WDFY4: variants seen among roughly 807,000 people sequenced by gnomAD.
WDFY4 encodes WD repeat- and FYVE domain-containing protein 4.
Under a neutral mutation model 351.9 loss-of-function variants are expected in WDFY4, and 169 were observed. The ratio of observed to expected loss-of-function variants is 0.48; its 90% CI spans 0.42 to 0.55. The LOEUF (loss-of-function observed/expected upper bound fraction) is 0.55, where lower values mean the gene tolerates loss of function less well. Among genes scored for constraint, WDFY4 ranks in the 20% least tolerant of loss-of-function variants. WDFY4 has a pLI of 0.00. For missense variants in WDFY4, 3,803 were observed against 3,935.6 expected, an observed-to-expected ratio of 0.97 and a Z score of 0.90; for synonymous variants, 1,622 against 1,574.6, an observed-to-expected ratio of 1.03 and a Z score of -0.71.
At chr10:48,937,441 T>C (rs1459137392) in intron 47 of WDFY4, among the ~76,000 whole-genome samples, 1 of 152,210 alleles carries the variant, frequency 6.6e-6, no homozygotes, top group Non-Finnish European at 1.5e-5. Flanking sequence ...AGTCAGCGTG[T>C]CGGTGTTTAT....
chr10:48,981,029 G>A (rs2131891721), intron 60 of WDFY4, among the ~76,000 whole-genome samples: 1 of 152,270 alleles, frequency 6.6e-6, no homozygotes, highest in South Asian at 2.1e-4. Context: ...AGGTATTGTG[G>A]GGCATCTTAT....
intron 20 of WDFY4, 45 bp downstream of exon 20, chr10:48,786,915 T>C (rs1168734356): frequency 6.7e-7 from 1 of 1,496,912 alleles, no homozygotes; most frequent in Non-Finnish European, 9.1e-7. Flanking sequence ...ATATTAGTTT[T>C]TAAATGGACA....
Position 48,946,066 on chromosome 10 carries a change from T to A in WDFY4, c.7776T>A (p.Ile2592=), listed in dbSNP as rs777247720. The change falls in exon 50 of 62, where the codon ATT becomes ATA. Residue 2592 remains isoleucine, a synonymous_variant. Coordinates refer to ENST00000325239, the MANE Select transcript of WDFY4 (RefSeq NM_001394531.1). ...SETLNLANPK[I]FRDLSKPMGA... ...CATTGAACTTGGCAAATCCGAAGAT[T>A]TTCCGGGATCTTTCAAAGCCCATGG... 6.5e-7 allele frequency: 1 copy of A among 1,545,186 alleles called. No individual in the cohort carries two copies. Among genetic ancestry groups the A allele is most frequent in the Non-Finnish European group, 8.7e-7 (1 of 1,145,310 alleles).
At position 48,870,941 on chromosome 10, in the gene WDFY4, CTT is replaced by C. The variant is rs35914987; in HGVS notation, c.6742-2539_6742-2538del. Among the ~76,000 whole-genome samples the C allele has an allele frequency of 3.9e-3, 578 of 148,482 alleles. 4 individuals carry two copies. Among genetic ancestry groups the C allele is most frequent in the African/African-American group, 0.011 (446 of 40,684 alleles). ...TGGAGACTTGGGGTGGATATGCGTTCTTTTTTTTTTTTGATGGAGGCTCGCTC... is the reference window on the plus strand; with the variant it reads ...TGGAGACTTGGGGTGGATATGCGTTCTTTTTTTTTTGATGGAGGCTCGCTC... On this transcript the variant is annotated intron_variant, in intron 40 of 61. Coordinates refer to ENST00000325239, the MANE Select transcript of WDFY4 (RefSeq NM_001394531.1).
intron 11 of WDFY4, among the ~76,000 whole-genome samples, chr10:48,740,221 A>G (rs969552391): frequency 2.6e-5 from 4 of 152,320 alleles, no homozygotes; most frequent in Non-Finnish European, 5.9e-5. Context: ...GGCATGTGTC[A>G]CGTGACCAGG....
intron 48 of WDFY4, among the ~76,000 whole-genome samples, chr10:48,943,114 T>C (rs192357605): frequency 0.017 from 2,621 of 152,060 alleles, 46 homozygotes; most frequent in Non-Finnish European, 0.022. Context: ...TTTTTTTTTT[T>C]CCTTGCTGAC....
intron 51 of WDFY4, among the ~76,000 whole-genome samples, chr10:48,955,939 C>T (rs1456885675): frequency 1.3e-5 from 2 of 152,170 alleles, no homozygotes; most frequent in African/African-American, 2.4e-5. Context: ...TATACAAAGG[C>T]CCAGCCTTGA....
At chr10:48,727,328 C>A in intron 6 of WDFY4, 142 bp from the exon 7 acceptor site, 1 of 922,650 alleles carries the variant, frequency 1.1e-6, no homozygotes. Flanking sequence ...TCTTCCTGAT[C>A]CAAGAGCCAG....
chr10:48,776,429 C>A (rs1165438145), intron 15 of WDFY4, among the ~76,000 whole-genome samples: 2 of 152,180 alleles, frequency 1.3e-5, no homozygotes, highest in East Asian at 3.8e-4. Flanking sequence ...AGACACAAAG[C>A]TCCAGTGAGT....
intron 38 of WDFY4, among the ~76,000 whole-genome samples, chr10:48,831,141 G>A (rs1262891035): frequency 6.6e-6 from 1 of 152,206 alleles, no homozygotes; most frequent in Admixed American, 6.5e-5. Flanking sequence ...TAGAGGAAGA[G>A]GCCCATGTGG....
At chr10:48,966,459 G>A (rs1027995160) in intron 54 of WDFY4, 67 bp from the exon 55 acceptor site, 1 of 1,487,168 alleles carries the variant, frequency 6.7e-7, no homozygotes, top group South Asian at 1.3e-5. Flanking sequence ...CAGCTACAGT[G>A]TGCACAGGGA....
Position 48,974,519 on chromosome 10 carries a change from A to AAAAAAAACAACAAC in WDFY4, c.8929-336_8929-335insCAACAACAAAAAAA, listed in dbSNP as rs1842470012. On this transcript the variant is annotated intron_variant, in intron 57 of 61. Coordinates refer to ENST00000325239, the MANE Select transcript of WDFY4 (RefSeq NM_001394531.1). The stretch of plus-strand genomic sequence containing the variant: ...CTCCGTCTCAAAAAAAAAAAAAAAA[A>AAAAAAAACAACAAC]AAAAAAAAAACAACTCATGACATGA... Among the ~76,000 whole-genome samples, 8 of 49,970 alleles carry AAAAAAAACAACAAC rather than the reference A, an allele frequency of 1.6e-4. 1 individual carries two copies. In the South Asian group the frequency reaches 5.2e-3, roughly 33 times the overall value. 32.8% of individuals were successfully genotyped at this position (49,970 alleles called of 152,430 possible). A position where few individuals can be genotyped will look rare whatever the true frequency, so the allele number is the denominator to read the frequency against.
At chr10:48,805,636 C>T (rs1194353191) in intron 26 of WDFY4, among the ~76,000 whole-genome samples, 1 of 152,184 alleles carries the variant, frequency 6.6e-6, no homozygotes, top group Non-Finnish European at 1.5e-5. Flanking sequence ...GTTTACTGTT[C>T]CCACTGCTCA....
At chr10:48,809,084 A>G (rs569842517) in intron 28 of WDFY4, among the ~76,000 whole-genome samples, 1 of 152,310 alleles carries the variant, frequency 6.6e-6, no homozygotes, top group African/African-American at 2.4e-5. Context: ...GGTGCCTGGA[A>G]TACTGTAAAT....
At chr10:48,822,623 C>T in intron 35 of WDFY4, 86 bp downstream of exon 35, 4 of 1,352,402 alleles carry the variant, frequency 3.0e-6, no homozygotes, top group Non-Finnish European at 3.8e-6. Context: ...CTGGATCTGC[C>T]CTCCCTCCCT....
intron 39 of WDFY4, among the ~76,000 whole-genome samples, chr10:48,839,003 G>C (rs1391490104): frequency 6.6e-6 from 1 of 152,188 alleles, no homozygotes; most frequent in East Asian, 1.9e-4. Context: ...GCAGTTTCAG[G>C]AAGAAAGGCA....
At position 48,729,278 on chromosome 10, in the gene WDFY4, C is replaced by T. The variant is rs528170698; in HGVS notation, c.972-154C>T. 1.1e-3 allele frequency among the ~76,000 whole-genome samples: 175 copies of T among 152,242 alleles called. 1 individual carries two copies. The highest frequency in any genetic ancestry group is 3.2e-3 in the Middle Eastern group (1 of 316). The stretch of plus-strand genomic sequence containing the variant: ...TCTGCAGAGTGGTGTTTATCCAGGG[C>T]GCTCCCTTGCCTCTGAATTGCCTCA... On this transcript the variant is annotated intron_variant, in intron 7 of 61. Transcript: ENST00000325239.
intron 2 of WDFY4, among the ~76,000 whole-genome samples, chr10:48,712,213 G>A (rs193067498): frequency 6.6e-6 from 1 of 152,212 alleles, no homozygotes. Context: ...AACTATTGCT[G>A]AACCTCAGTT....
At position 48,690,814 on chromosome 10, in the gene WDFY4, A is replaced by G. The variant is rs968796050; in HGVS notation, c.-18+5813A>G. ...TGAACCCAGGGTTTTTATGGACCTCAGAGGGGAGGAAATGAGAGCCAACTG... is the reference window on the plus strand; with the variant it reads ...TGAACCCAGGGTTTTTATGGACCTCGGAGGGGAGGAAATGAGAGCCAACTG... On this transcript the variant is annotated intron_variant, in intron 1 of 61. Transcript: ENST00000325239. 3.3e-5 allele frequency among the ~76,000 whole-genome samples: 5 copies of G among 152,122 alleles called. 1 individual carries two copies. The highest frequency in any genetic ancestry group is 9.7e-5 in the African/African-American group (4 of 41,412).
Sources: gnomAD v4.1 joint callset for allele counts (sites outside exome capture counted in the v4.1 genomes callset) on GRCh38, gnomAD v4.1.1 for gene constraint, MANE v1.5 for transcripts, NCBI Gene and HGNC (gene_info 2026-07-23, HGNC 2026-07-21) for gene names.